Variants in LDB2 observed in about 807,000 individuals in gnomAD.
LDB2 encodes LIM domain binding 2.
A neutral mutation model predicts 44.3 loss-of-function variants in LDB2; 12 were observed. The observed-to-expected ratio is 0.27, with a 90% CI of 0.17 to 0.44. The LOEUF (loss-of-function observed/expected upper bound fraction) is 0.44. LDB2 is among the 20% of genes least tolerant of loss of function. The pLI is 1.00. For missense variants in LDB2, 344 were observed against 473.5 expected (o/e 0.73, Z 2.54); for synonymous variants, 164 against 174.8 (o/e 0.94, Z 0.49).
intron 2 of LDB2, among the ~76,000 whole-genome samples, chr4:16,684,194 A>G (rs1040758698): frequency 2.7e-4 from 41 of 152,226 alleles, no homozygotes; most frequent in African/African-American, 9.6e-4. Flanking sequence ...CAACTTTTAC[A>G]TCAGCAACTA....
chr4:16,665,436 T>C (rs1437133170), intron 2 of LDB2, among the ~76,000 whole-genome samples: 1 of 152,054 alleles, frequency 6.6e-6, no homozygotes, highest in East Asian at 1.9e-4. Context: ...CGACTAAGTT[T>C]TTGTATTTTT....
chr4:16,795,835 T>C (rs1195866839), intron 1 of LDB2, among the ~76,000 whole-genome samples: 1 of 152,142 alleles, frequency 6.6e-6, no homozygotes, highest in Non-Finnish European at 1.5e-5. Flanking sequence ...TACTAATACT[T>C]TCTATTGTTA....
chr4:16,657,469 T>G (rs1357228691), intron 2 of LDB2, among the ~76,000 whole-genome samples: 2 of 152,196 alleles, frequency 1.3e-5, no homozygotes, highest in Admixed American at 6.5e-5. Context: ...CCTGCCTCCT[T>G]GTCATCCATT....
intron 1 of LDB2, among the ~76,000 whole-genome samples, chr4:16,793,460 G>A (rs1435185283): frequency 1.3e-5 from 2 of 152,238 alleles, no homozygotes; most frequent in South Asian, 2.1e-4. Context: ...AGCCCAAACC[G>A]TCAAACCATC....
chr4:16,837,686 A>G (rs997151775), intron 1 of LDB2, among the ~76,000 whole-genome samples: 5 of 152,238 alleles, frequency 3.3e-5, no homozygotes, highest in African/African-American at 1.2e-4. Context: ...TCAATCACCC[A>G]GCCCACGTTG....
At chr4:16,761,560 T>C (rs1363882442) in intron 1 of LDB2, among the ~76,000 whole-genome samples, 1 of 152,194 alleles carries the variant, frequency 6.6e-6, no homozygotes, top group African/African-American at 2.4e-5. Flanking sequence ...ACTTAGCAAC[T>C]TATTCTACCT....
chr4:16,716,490 G>A (rs990891881), intron 2 of LDB2, among the ~76,000 whole-genome samples: 5 of 152,160 alleles, frequency 3.3e-5, no homozygotes, highest in Admixed American at 1.3e-4. Flanking sequence ...TGGGATTTGC[G>A]ACACCTGAAG....
chr4:16,539,143 G>A (rs1732874472), intron 5 of LDB2, among the ~76,000 whole-genome samples: 1 of 152,142 alleles, frequency 6.6e-6, no homozygotes, highest in East Asian at 1.9e-4. Context: ...TCCTACAATT[G>A]GGGATCAAGG....
intron 2 of LDB2, among the ~76,000 whole-genome samples, chr4:16,619,800 T>G (rs1040567968): frequency 1.1e-4 from 16 of 152,018 alleles, no homozygotes; most frequent in Non-Finnish European, 1.9e-4. Context: ...ATCTCTGTTT[T>G]TTTTTTTTTT....
intron 1 of LDB2, among the ~76,000 whole-genome samples, chr4:16,844,264 AAAAAAAAAAAG>A (rs1489029500): frequency 3.3e-5 from 5 of 150,128 alleles, no homozygotes; most frequent in Admixed American, 2.0e-4. Context: ...AAAAAAAAAA[AAAAAAAAAAAG>A]GATCTATCAA....
intron 2 of LDB2, among the ~76,000 whole-genome samples, chr4:16,645,988 T>C (rs986706036): frequency 1.3e-5 from 2 of 152,214 alleles, no homozygotes; most frequent in African/African-American, 2.4e-5. Context: ...GGCTAGAATC[T>C]CTTTTAGCAC....
intron 2 of LDB2, among the ~76,000 whole-genome samples, chr4:16,652,099 C>A (rs918692741): frequency 6.6e-6 from 1 of 151,958 alleles, no homozygotes; most frequent in Non-Finnish European, 1.5e-5. Context: ...TACAGAGATG[C>A]GCCACCACAC....
chr4:16,798,070 C>CTTTTTTT (rs1777090514), intron 1 of LDB2, among the ~76,000 whole-genome samples: 1 of 149,858 alleles, frequency 6.7e-6, no homozygotes, highest in Non-Finnish European at 1.5e-5. Flanking sequence ...TAATCTTAGG[C>CTTTTTTT]AAATTATTTT....
chr4:16,694,395 C>A (rs757964703), intron 2 of LDB2, among the ~76,000 whole-genome samples: 1 of 152,200 alleles, frequency 6.6e-6, no homozygotes, highest in Admixed American at 6.5e-5. Context: ...GAACATTGAC[C>A]GATCACAGCT....
At chr4:16,648,310 T>C (rs1737330287) in intron 2 of LDB2, among the ~76,000 whole-genome samples, 1 of 152,204 alleles carries the variant, frequency 6.6e-6, no homozygotes, top group Non-Finnish European at 1.5e-5. Context: ...GAAGACGGTG[T>C]CAACCAGATC....
chr4:16,618,540 T>C (rs374998341), intron 2 of LDB2, among the ~76,000 whole-genome samples: 1 of 152,188 alleles, frequency 6.6e-6, no homozygotes, highest in East Asian at 1.9e-4. Flanking sequence ...TATGTGTACA[T>C]ACATACACAT....
At chr4:16,575,579 A>C (rs1355054023) in intron 5 of LDB2, among the ~76,000 whole-genome samples, 2 of 152,172 alleles carry the variant, frequency 1.3e-5, no homozygotes, top group Non-Finnish European at 2.9e-5. Context: ...TAAAACATTC[A>C]AAAAAATTGA....
intron 1 of LDB2, among the ~76,000 whole-genome samples, chr4:16,839,970 C>T (rs774937376): frequency 3.6e-4 from 54 of 152,110 alleles, no homozygotes; most frequent in Non-Finnish European, 7.2e-4. Context: ...TCATGAAGTG[C>T]ACTAAGTCTT....
intron 1 of LDB2, among the ~76,000 whole-genome samples, chr4:16,778,141 G>A (rs901428868): frequency 1.3e-5 from 2 of 152,070 alleles, no homozygotes; most frequent in Admixed American, 6.6e-5. Context: ...GAAAACTGAC[G>A]GCAAAGAGGC....
Sources: allele counts gnomAD v4.1 joint callset (sites outside exome capture counted in the v4.1 genomes callset), GRCh38; gene constraint gnomAD v4.1.1; transcripts MANE v1.5; gene names NCBI Gene and HGNC (gene_info 2026-07-23, HGNC 2026-07-21).